The following MYO5B variants were observed in gnomAD, a reference collection of about 807,000 sequenced individuals.
MYO5B encodes the protein myosin VB.
A neutral mutation model predicts 229.3 loss-of-function variants in MYO5B; 143 were observed. The observed-to-expected ratio is 0.62, with a 90% confidence interval of 0.54 to 0.72. The LOEUF is 0.72. Among genes scored for constraint, MYO5B ranks in the 30% least tolerant of loss-of-function variants. MYO5B has a pLI of 0.00. For synonymous variants in MYO5B, 918 were observed against 885.2 expected (o/e 1.04, Z -0.66); for missense variants, 2,321 against 2,331.0 (o/e 1.00, Z 0.09).
chr18:49,828,177 T>C (rs2023869283), intron 39 of MYO5B, among the ~76,000 whole-genome samples: 1 of 152,186 alleles, frequency 6.6e-6, no homozygotes, highest in African/African-American at 2.4e-5. Flanking sequence ...GTATAAGGTA[T>C]CCTCAAATAA....
intron 31 of MYO5B, among the ~76,000 whole-genome samples, chr18:49,853,055 C>T (rs1381480664): frequency 6.6e-6 from 1 of 152,226 alleles, no homozygotes; most frequent in Non-Finnish European, 1.5e-5. Context: ...TAGAATCTCT[C>T]TCTCGCCATA....
intron 12 of MYO5B, among the ~76,000 whole-genome samples, chr18:49,956,235 C>T (rs2025491152): frequency 6.6e-6 from 1 of 152,334 alleles, no homozygotes; most frequent in Non-Finnish European, 1.5e-5. Flanking sequence ...TTATTGTTTG[C>T]CAGGCCATTT....
intron 29 of MYO5B, among the ~76,000 whole-genome samples, chr18:49,860,281 C>T (rs1428848444): frequency 6.6e-6 from 1 of 152,170 alleles, no homozygotes; most frequent in African/African-American, 2.4e-5. Context: ...TGAGGTTGGG[C>T]TGAGGGCAGT....
intron 14 of MYO5B, among the ~76,000 whole-genome samples, chr18:49,950,363 C>G (rs573067158): frequency 6.6e-6 from 1 of 152,304 alleles, no homozygotes; most frequent in South Asian, 2.1e-4. Context: ...CCTATTTTGT[C>G]CTCCAACTTA....
At chr18:49,869,963 T>C (rs2024439306) in intron 27 of MYO5B, among the ~76,000 whole-genome samples, 1 of 152,136 alleles carries the variant, frequency 6.6e-6, no homozygotes, top group Non-Finnish European at 1.5e-5. Context: ...GTGCTACCTA[T>C]AATAGTTCAC....
At chr18:49,972,679 C>T (rs1311669124) in intron 10 of MYO5B, among the ~76,000 whole-genome samples, 1 of 152,100 alleles carries the variant, frequency 6.6e-6, no homozygotes, top group Non-Finnish European at 1.5e-5. Flanking sequence ...CCTGAAAATA[C>T]TCAAAGTAGA....
chr18:50,000,853 G>A (rs1460086208), intron 5 of MYO5B, among the ~76,000 whole-genome samples: 1 of 152,126 alleles, frequency 6.6e-6, no homozygotes, highest in South Asian at 2.1e-4. Flanking sequence ...TTCTATCTAG[G>A]CTTTCCCGTC....
chr18:50,043,304 AT>A (rs2030084541), intron 2 of MYO5B, among the ~76,000 whole-genome samples: 2 of 111,236 alleles, frequency 1.8e-5, no homozygotes, highest in South Asian at 5.1e-4. Context: ...TATATAATAT[AT>A]AATATAAATA....
chr18:49,913,767 T>C lies in MYO5B; in HGVS notation c.2091-1594A>G, dbSNP rs185762685. Among the ~76,000 whole-genome samples the C allele has an allele frequency of 4.2e-3, 634 of 151,942 alleles. 4 individuals are homozygous for C. The highest frequency in any genetic ancestry group is 0.014 in the African/African-American group (593 of 41,446). On this transcript the variant is annotated intron_variant, in intron 17 of 39. Transcript: ENST00000285039. ...TTGGCCCACCACACCCCCTATCCTA[T>C]ACCCATATAAACTCCAAACCCCAGG...
rs200084356 is a variant in MYO5B, at chr18:49,902,794, C to T, written c.2611G>A (p.Val871Met). 95 of 1,602,462 alleles carry T rather than the reference C, an allele frequency of 5.9e-5. No homozygotes were observed. Among genetic ancestry groups the T allele is most frequent in the Non-Finnish European group, 7.3e-5 (86 of 1,179,948 alleles). The change falls in exon 21 of 40, where the codon GTG becomes ATG. Residue 871 changes from valine (V) to methionine (M), a missense_variant. Val to Met is a conservative substitution (Grantham distance 21). Coordinates refer to ENST00000285039, the MANE Select transcript of MYO5B (RefSeq NM_001080467.3). ...EHKATTIQKH[V>M]RGWMARRHFQ... ...TGCCTGCGTGCCATCCAGCCCCGCACGTGCTTCTGGATGGTGGTGGCCTTG... is the reference window on the plus strand; with the variant it reads ...TGCCTGCGTGCCATCCAGCCCCGCATGTGCTTCTGGATGGTGGTGGCCTTG...
chr18:50,086,167 G>A (rs943087097), intron 1 of MYO5B, among the ~76,000 whole-genome samples: 6 of 152,078 alleles, frequency 3.9e-5, no homozygotes, highest in South Asian at 4.2e-4. Flanking sequence ...CCTGTTTAAC[G>A]GATTTATGGC....
intron 9 of MYO5B, among the ~76,000 whole-genome samples, chr18:49,979,907 G>A (rs2025796190): frequency 6.6e-6 from 1 of 152,112 alleles, no homozygotes; most frequent in Admixed American, 6.5e-5. Flanking sequence ...TACTACATTG[G>A]GCATCAGGAA....
At chr18:50,162,796 C>T (rs532159757) in intron 1 of MYO5B, among the ~76,000 whole-genome samples, 3 of 152,364 alleles carry the variant, frequency 2.0e-5, no homozygotes, top group Admixed American at 1.3e-4. Context: ...GAGGTCAGCA[C>T]AGTACTGCCC....
intron 14 of MYO5B, among the ~76,000 whole-genome samples, chr18:49,942,396 A>AAAC (rs1555645743): frequency 0.09 from 11,955 of 133,492 alleles, 590 homozygotes; most frequent in Non-Finnish European, 0.12. Flanking sequence ...AAAAAAAAAA[A>AAAC]AAAAAAAAAC....
At chr18:49,963,400 T>TTAAATTAA (rs1555647579) in intron 10 of MYO5B, among the ~76,000 whole-genome samples, 1 of 147,498 alleles carries the variant, frequency 6.8e-6, no homozygotes, top group African/African-American at 2.5e-5. Flanking sequence ...ACTTATTTAA[T>TTAAATTAA]TTAATTAATT....
chr18:50,088,943 G>T (rs2031388621), intron 1 of MYO5B, among the ~76,000 whole-genome samples: 2 of 152,162 alleles, frequency 1.3e-5, no homozygotes, highest in South Asian at 4.1e-4. Context: ...TTTGCTCCTA[G>T]ACTTGTGAAT....
chr18:49,966,503 C>A (rs2025627574), intron 10 of MYO5B, among the ~76,000 whole-genome samples: 1 of 152,152 alleles, frequency 6.6e-6, no homozygotes, highest in Non-Finnish European at 1.5e-5. Flanking sequence ...CCCGATCCTC[C>A]ACCCTGAGAG....
intron 1 of MYO5B, among the ~76,000 whole-genome samples, chr18:50,161,340 T>C (rs1490357872): frequency 6.6e-6 from 1 of 152,080 alleles, no homozygotes; most frequent in Non-Finnish European, 1.5e-5. Context: ...ACCAAGATAG[T>C]GCCACTGCAC....
At chr18:50,101,758 G>A (rs545953841) in intron 1 of MYO5B, among the ~76,000 whole-genome samples, 1 of 152,188 alleles carries the variant, frequency 6.6e-6, no homozygotes, top group Admixed American at 6.5e-5. Context: ...GTGAGGCTGT[G>A]GAGAAATAGG....
Sources: allele counts gnomAD v4.1 joint callset (sites outside exome capture counted in the v4.1 genomes callset), GRCh38; gene constraint gnomAD v4.1.1; transcripts MANE v1.5; gene names NCBI Gene and HGNC (gene_info 2026-07-23, HGNC 2026-07-21).